PHF21B: variants seen among roughly 807,000 people sequenced by gnomAD.
PHF21B encodes PHD finger protein 21B.
In PHF21B, 22 loss-of-function variants were observed where a neutral mutation model predicts 62.2. The ratio of observed to expected loss-of-function variants is 0.35; its 90% CI spans 0.25 to 0.51. PHF21B has a LOEUF of 0.51. Among genes scored for constraint, PHF21B ranks in the 20% least tolerant of loss-of-function variants. The probability of loss-of-function intolerance (pLI) is 0.97; values close to 1 mark genes in which losing one functional copy is unlikely to be tolerated. For synonymous variants in PHF21B, 341 were observed against 314.7 expected, an observed-to-expected ratio of 1.08 and a Z score of -0.88; for missense variants, 701 against 707.9, an observed-to-expected ratio of 0.99 and a Z score of 0.11.
At chr22:44,987,784 C>G (rs921514341) in intron 2 of PHF21B, among the ~76,000 whole-genome samples, 2 of 151,252 alleles carry the variant, frequency 1.3e-5, no homozygotes, top group East Asian at 3.9e-4. Context: ...CTCTCTCTCT[C>G]TCTCCTCTCC....
intron 2 of PHF21B, among the ~76,000 whole-genome samples, chr22:44,934,871 C>T (rs1416785640): frequency 6.6e-6 from 1 of 152,202 alleles, no homozygotes; most frequent in Admixed American, 6.5e-5. Context: ...TCCAGACCCA[C>T]CGAAAGCTCA....
At chr22:44,972,521 T>C (rs2072659506) in intron 2 of PHF21B, among the ~76,000 whole-genome samples, 2 of 152,142 alleles carry the variant, frequency 1.3e-5, no homozygotes, top group African/African-American at 4.8e-5. Context: ...AAACCGAGTG[T>C]TGGCGGACGC....
At chr22:44,918,225 C>T (rs6006908) in intron 3 of PHF21B, among the ~76,000 whole-genome samples, 80 of 152,382 alleles carry the variant, frequency 5.2e-4, no homozygotes, top group African/African-American at 1.8e-3. Context: ...CGGATGGACA[C>T]CCATGTGGTG....
At chr22:44,886,911 C>G (rs2070869170) in intron 10 of PHF21B, among the ~76,000 whole-genome samples, 1 of 152,006 alleles carries the variant, frequency 6.6e-6, no homozygotes, top group Admixed American at 6.6e-5. Context: ...TCCCAGCACT[C>G]TGGGAGGTCA....
chr22:44,960,292 C>T (rs149243310), intron 2 of PHF21B, among the ~76,000 whole-genome samples: 329 of 152,256 alleles, frequency 2.2e-3, no homozygotes, highest in Non-Finnish European at 3.4e-3. Context: ...TACCTGAGTT[C>T]GGTGTCAGAT....
chr22:44,893,458 T>C lies in PHF21B; in HGVS notation c.959A>G (p.Glu320Gly). 2 of 1,594,624 alleles carry C rather than the reference T, an allele frequency of 1.3e-6. No homozygotes were observed. Residue 320 changes from glutamate (E) to glycine (G), a missense_variant and splice_region_variant, in exon 7 of 13, where the codon GAG (glutamate) becomes GGG (glycine). Transcript: ENST00000313237. ...GCATGGGGCTGGCGGGTTCCCCACC[T>C]CGGTCTCCAGGAGGCCGCTGTAGGC... ...NPAYSGLLET[E>G]RKRLASNYLN... is the part of the protein sequence containing the mutation.
chr22:44,883,062 G>C lies in PHF21B; in HGVS notation c.*24C>G, dbSNP rs745825547. ...AGCAGGGTCCCAATAACTTTCCGTG[G>C]GTATGAAGACTGGTCCCTCGGGGTC... On this transcript the variant is annotated 3_prime_UTR_variant, in exon 13 of 13. Transcript: ENST00000313237. 6 of 1,587,344 alleles carry C rather than the reference G, an allele frequency of 3.8e-6. No homozygotes were observed. Among genetic ancestry groups the C allele is most frequent in the Non-Finnish European group, 5.1e-6 (6 of 1,166,978 alleles).
chr22:44,916,418 C>T lies in PHF21B; in HGVS notation c.426G>A (p.Pro142=), dbSNP rs553180036. The T allele has an allele frequency of 5.9e-5, 94 of 1,596,742 alleles. No individual in the cohort carries two copies. Among genetic ancestry groups the T allele is most frequent in the Non-Finnish European group, 7.4e-5 (87 of 1,176,152 alleles). ...ALAEPAALAS[P]LSSAGVAYAI... is the part of the protein sequence containing the mutation. Reference sequence around the variant, plus strand: ...CGTAGGCCACCCCCGCACTGCTCAGCGGAGAGGCGAGGGCGGCGGGCTCGG... The same window carrying T: ...CGTAGGCCACCCCCGCACTGCTCAGTGGAGAGGCGAGGGCGGCGGGCTCGG... The change falls in exon 4 of 13, where the codon CCG becomes CCA. Residue 142 remains proline, a synonymous_variant. Coordinates refer to ENST00000313237, the MANE Select transcript of PHF21B (RefSeq NM_138415.5).
rs1343644727 is a variant in PHF21B at position 45,000,332 on chromosome 22, C to G, written c.120+8213G>C. ...CCCCGAGACACTGCCCCATACATAT[C>G]AAGAGCCTCGGCTGCTGAAGAAGGA... On this transcript the variant is annotated intron_variant, in intron 2 of 12. Transcript: ENST00000313237. 3.9e-5 allele frequency among the ~76,000 whole-genome samples: 6 copies of G among 152,192 alleles called. No homozygotes were observed. In the East Asian group the frequency reaches 1.2e-3, roughly 29 times the overall value.
intron 2 of PHF21B, among the ~76,000 whole-genome samples, chr22:44,933,038 C>T (rs1270374175): frequency 6.6e-6 from 1 of 152,262 alleles, no homozygotes; most frequent in Non-Finnish European, 1.5e-5. Flanking sequence ...CAGGTCCTGT[C>T]CTCGGGGACA....
At chr22:44,944,389 G>A (rs536769520) in intron 2 of PHF21B, among the ~76,000 whole-genome samples, 3 of 152,334 alleles carry the variant, frequency 2.0e-5, no homozygotes, top group Admixed American at 1.3e-4. Flanking sequence ...GCTCACCTCT[G>A]ATGTCTGTTT....
intron 2 of PHF21B, among the ~76,000 whole-genome samples, chr22:44,937,927 C>T (rs2071882251): frequency 6.6e-6 from 1 of 152,232 alleles, no homozygotes; most frequent in Non-Finnish European, 1.5e-5. Context: ...GGACGCATCG[C>T]GCAGGTGCAG....
intron 5 of PHF21B, among the ~76,000 whole-genome samples, chr22:44,898,642 TTTAATTTTTAAAATTTTAAATTAAA>T (rs1439203411): frequency 2.6e-5 from 4 of 152,244 alleles, no homozygotes; most frequent in Non-Finnish European, 5.9e-5. Context: ...TGCATCAATT[TTTAATTTTTAAAATTTTAAATTAAA>T]TTGTAATGAA....
chr22:44,986,968 T>C (rs888308998), intron 2 of PHF21B, among the ~76,000 whole-genome samples: 3 of 152,168 alleles, frequency 2.0e-5, no homozygotes, highest in African/African-American at 7.2e-5. Flanking sequence ...TCCAGGCCCC[T>C]GCCCCAGCTC....
chr22:44,946,528 G>T (rs999017482), intron 2 of PHF21B, among the ~76,000 whole-genome samples: 2 of 152,118 alleles, frequency 1.3e-5, no homozygotes, highest in African/African-American at 4.8e-5. Flanking sequence ...GTGGACGGAT[G>T]GTGGGTGGAC....
At chr22:44,971,951 G>T (rs2072646729) in intron 2 of PHF21B, among the ~76,000 whole-genome samples, 1 of 152,214 alleles carries the variant, frequency 6.6e-6, no homozygotes. Context: ...GCTCAGGGAG[G>T]TTAAGCAACT....
intron 2 of PHF21B, among the ~76,000 whole-genome samples, chr22:44,936,887 C>CT (rs1569239864): frequency 5.1e-5 from 7 of 136,290 alleles, no homozygotes; most frequent in African/African-American, 1.9e-4. Context: ...TTTTTTTTTT[C>CT]CTGAGATGGA....
intron 12 of PHF21B, among the ~76,000 whole-genome samples, chr22:44,884,261 TACC>T (rs1309975820): frequency 2.9e-5 from 2 of 68,708 alleles, no homozygotes; most frequent in African/African-American, 4.6e-5. Context: ...CCATCATCAC[TACC>T]ACCATCACCA....
chr22:44,985,082 T>C (rs2072922152), intron 2 of PHF21B, among the ~76,000 whole-genome samples: 1 of 152,206 alleles, frequency 6.6e-6, no homozygotes, highest in African/African-American at 2.4e-5. Context: ...ACTGCTGGGG[T>C]ATCGACTTCA....
Sources: allele counts gnomAD v4.1 joint callset (sites outside exome capture counted in the v4.1 genomes callset), GRCh38; gene constraint gnomAD v4.1.1; transcripts MANE v1.5; gene names NCBI Gene and HGNC (gene_info 2026-07-23, HGNC 2026-07-21).